The following CSMD3 variants were observed in gnomAD, a reference collection of about 807,000 sequenced individuals.
The protein encoded by CSMD3 is CUB and sushi domain-containing protein 3.
Under a neutral mutation model 435.2 loss-of-function variants are expected in CSMD3, and 177 were observed. The ratio of observed to expected loss-of-function variants is 0.41; its 90% CI spans 0.36 to 0.46. CSMD3 has a LOEUF of 0.46. CSMD3 is among the 20% of genes least tolerant of loss of function. The probability of loss-of-function intolerance (pLI) is 0.34; values close to 1 mark genes in which losing one functional copy is unlikely to be tolerated. For missense variants in CSMD3, 4,265 were observed against 4,504.6 expected, an observed-to-expected ratio of 0.95 and a Z score of 1.52; for synonymous variants, 1,656 against 1,520.5, an observed-to-expected ratio of 1.09 and a Z score of -2.07.
chr8:113,070,504 G>A (rs1215118529), intron 5 of CSMD3, among the ~76,000 whole-genome samples: 1 of 151,940 alleles, frequency 6.6e-6, no homozygotes, highest in Non-Finnish European at 1.5e-5. Context: ...TGAATATACA[G>A]TACAGTATTG....
intron 1 of CSMD3, among the ~76,000 whole-genome samples, 198 bp from the exon 2 acceptor site, chr8:113,314,991 T>A (rs2093898557): frequency 6.6e-6 from 1 of 152,166 alleles, no homozygotes; most frequent in Non-Finnish European, 1.5e-5. Context: ...GATTTATCAT[T>A]TATAATACAT....
chr8:112,545,500 A>T lies in CSMD3; in HGVS notation c.4564+5171T>A, dbSNP rs1208382132. ...TCCATCTCAAAAAAAAAAAAAAAAA[A>T]AAATAATAATAATAATAATAATAAT... On this transcript the variant is annotated intron_variant, in intron 27 of 70. Coordinates refer to ENST00000297405, the MANE Select transcript of CSMD3 (RefSeq NM_198123.2). Among the ~76,000 whole-genome samples the T allele has an allele frequency of 8.4e-5, 12 of 142,848 alleles. No homozygotes were observed. The South Asian group carries it at 8.8e-4, about 10-fold the overall frequency. 93.7% of individuals were successfully genotyped at this position (142,848 alleles called of 152,430 possible). A position where few individuals can be genotyped will look rare whatever the true frequency, so the allele number is the denominator to read the frequency against.
chr8:112,688,065 C>T (rs1036414705), intron 14 of CSMD3, among the ~76,000 whole-genome samples: 1 of 152,096 alleles, frequency 6.6e-6, no homozygotes, highest in Non-Finnish European at 1.5e-5. Context: ...CTATTTAATT[C>T]TGCAATTGTA....
intron 45 of CSMD3, among the ~76,000 whole-genome samples, chr8:112,333,162 T>TGATA (rs1163901836): frequency 1.6e-4 from 25 of 152,160 alleles, no homozygotes; most frequent in Non-Finnish European, 2.8e-4. Flanking sequence ...TTATTTTTAT[T>TGATA]GATTGATTGA....
chr8:112,227,166 C>G (rs1812653154), intron 70 of CSMD3, among the ~76,000 whole-genome samples: 1 of 152,090 alleles, frequency 6.6e-6, no homozygotes, highest in South Asian at 2.1e-4. Context: ...AAGGTAGAAA[C>G]AACTCAAATG....
At chr8:113,154,409 A>C (rs1248173234) in intron 4 of CSMD3, among the ~76,000 whole-genome samples, 1 of 152,040 alleles carries the variant, frequency 6.6e-6, no homozygotes, top group Admixed American at 6.6e-5. Context: ...GTCCAAATGC[A>C]TCACTATCAC....
intron 22 of CSMD3, among the ~76,000 whole-genome samples, chr8:112,612,411 G>T (rs6996968): frequency 6.6e-6 from 1 of 151,816 alleles, no homozygotes; most frequent in Non-Finnish European, 1.5e-5. Flanking sequence ...TTGCATTCTC[G>T]TCTTGTATCC....
chr8:112,291,814 T>C, intron 55 of CSMD3, 119 bp from the exon 56 acceptor site: 1 of 676,740 alleles, frequency 1.5e-6, no homozygotes, highest in Non-Finnish European at 2.5e-6. Context: ...ACAACCAGAT[T>C]CCAATAATAA....
chr8:112,385,549 A>G (rs546834259), intron 36 of CSMD3, among the ~76,000 whole-genome samples: 140 of 49,360 alleles, frequency 2.8e-3, no homozygotes, highest in African/African-American at 0.023. Context: ...GAAGAAAGTA[A>G]AAGTGAAAGA....
intron 1 of CSMD3, among the ~76,000 whole-genome samples, chr8:113,423,476 G>C (rs1332367169): frequency 6.6e-6 from 1 of 151,962 alleles, no homozygotes; most frequent in Non-Finnish European, 1.5e-5. Context: ...GTGATACTTT[G>C]AAATTGAGTT....
chr8:112,739,665 T>C (rs370274265), intron 13 of CSMD3, among the ~76,000 whole-genome samples: 27 of 151,878 alleles, frequency 1.8e-4, no homozygotes, highest in African/African-American at 6.5e-4. Flanking sequence ...AGATTCAATG[T>C]ACACCATTAC....
chr8:112,416,559 AT>A (rs1811931864), intron 32 of CSMD3, among the ~76,000 whole-genome samples: 1 of 152,204 alleles, frequency 6.6e-6, no homozygotes, highest in Admixed American at 6.5e-5. Flanking sequence ...GTCACTTTTA[AT>A]TTTTGAGCCA....
chr8:112,282,738 A>G (rs16883360), intron 58 of CSMD3, among the ~76,000 whole-genome samples: 35,827 of 151,968 alleles, frequency 0.24, 4,401 homozygotes, highest in East Asian at 0.36. Flanking sequence ...AAAATGAAAC[A>G]AGGTAAGTGC....
At chr8:113,323,268 T>C (rs2132718086) in intron 1 of CSMD3, among the ~76,000 whole-genome samples, 1 of 152,342 alleles carries the variant, frequency 6.6e-6, no homozygotes, top group Non-Finnish European at 1.5e-5. Context: ...CTTAGTATAA[T>C]TCACTGTAGA....
chr8:113,265,459 G>T (rs1377709834), intron 3 of CSMD3, among the ~76,000 whole-genome samples: 3 of 151,506 alleles, frequency 2.0e-5, no homozygotes, highest in Admixed American at 2.0e-4. Flanking sequence ...GTTTGTACAG[G>T]TTGTGTATGC....
Position 113,424,588 on chromosome 8 carries a change from T to TA in CSMD3, c.178+12088dup, listed in dbSNP as rs537811484. The stretch of plus-strand genomic sequence containing the variant: ...GGAGTTCTGAGACAAGAGCAAACAT[T>TA]AAAAAAAAAAGTGTAAGAGCACAGT... On this transcript the variant is annotated intron_variant, in intron 1 of 70. Coordinates refer to ENST00000297405, the MANE Select transcript of CSMD3 (RefSeq NM_198123.2). Among the ~76,000 whole-genome samples the TA allele has an allele frequency of 5.8e-3, 850 of 145,890 alleles. 5 individuals are homozygous for TA. Among genetic ancestry groups the TA allele is most frequent in the Non-Finnish European group, 8.0e-3 (522 of 65,582 alleles).
chr8:113,152,924 T>C (rs1232559213), intron 4 of CSMD3, among the ~76,000 whole-genome samples: 1 of 150,984 alleles, frequency 6.6e-6, no homozygotes, highest in African/African-American at 2.4e-5. Context: ...TGAGCCGTGA[T>C]TGCACCACTG....
rs2130636302 is a variant in CSMD3 at position 112,287,206 on chromosome 8, G to T, written c.9189C>A (p.Gly3063=). ...AATTGCTTTCCTGTCTAGAGCCATGGCCGGGAGTACCTGGATCGCCACATG... is the reference window on the plus strand; with the variant it reads ...AATTGCTTTCCTGTCTAGAGCCATGTCCGGGAGTACCTGGATCGCCACATG... The part of the protein sequence containing the change: ...TGTCGDPGTP[G]HGSRQESNFR... The change falls in exon 58 of 71, where the codon GGC becomes GGA. Residue 3063 remains glycine, a synonymous_variant. Transcript: ENST00000297405. 6.2e-7 allele frequency: 1 copy of T among 1,613,642 alleles called. No homozygotes were observed. Among genetic ancestry groups the T allele is most frequent in the Non-Finnish European group, 8.5e-7 (1 of 1,179,756 alleles).
In CSMD3 at chr8:112,832,729, A is replaced by G. The variant is rs568042325; in HGVS notation, c.1756-2940T>C. Among the ~76,000 whole-genome samples, 3 of 152,252 alleles carry G rather than the reference A, an allele frequency of 2.0e-5. No homozygotes were observed. In the East Asian group the frequency reaches 5.8e-4, roughly 29 times the overall value. ...TGATTTCACCCCGGTACAACCTTGA[A>G]AAGAAGACCCAGATATCCATGCCCA... is the stretch of plus-strand genomic sequence containing the variant. On this transcript the variant is annotated intron_variant, in intron 11 of 70. Coordinates refer to ENST00000297405, the MANE Select transcript of CSMD3 (RefSeq NM_198123.2).
Sources: gnomAD v4.1 joint callset for allele counts (sites outside exome capture counted in the v4.1 genomes callset) on GRCh38, gnomAD v4.1.1 for gene constraint, MANE v1.5 for transcripts, NCBI Gene and HGNC (gene_info 2026-07-23, HGNC 2026-07-21) for gene names.